ADAM22: variants seen among roughly 807,000 people sequenced by gnomAD.
ADAM22 encodes the protein ADAM metallopeptidase domain 22.
Under a neutral mutation model 144.6 loss-of-function variants are expected in ADAM22, and 65 were observed. The ratio of observed to expected loss-of-function variants is 0.45; its 90% CI spans 0.37 to 0.55. The LOEUF (loss-of-function observed/expected upper bound fraction) is 0.55. Ranked by LOEUF, ADAM22 falls within the 20% of genes least tolerant of loss-of-function variation. The pLI is 0.00. For synonymous variants in ADAM22, 391 were observed against 412.6 expected (o/e 0.95, Z 0.63); for missense variants, 974 against 1,184.9 (o/e 0.82, Z 2.61).
intron 30 of ADAM22, among the ~76,000 whole-genome samples, chr7:88,187,315 T>G (rs568529310): frequency 6.6e-6 from 1 of 152,370 alleles, no homozygotes; most frequent in South Asian, 2.1e-4. Flanking sequence ...AGAAGTGTTA[T>G]ACAGATTCTC....
chr7:88,108,745 G>T (rs541464890), intron 5 of ADAM22, among the ~76,000 whole-genome samples: 202 of 150,058 alleles, frequency 1.3e-3, no homozygotes, highest in African/African-American at 4.0e-3. Context: ...AATAAAGAAA[G>T]AAAGAAAGAA....
chr7:88,154,121 C>T (rs1839228360), intron 21 of ADAM22, among the ~76,000 whole-genome samples: 1 of 152,124 alleles, frequency 6.6e-6, no homozygotes. Flanking sequence ...GAGGAGGAAA[C>T]TGAGACACAG....
chr7:88,122,130 G>A (rs1372186925), intron 7 of ADAM22, among the ~76,000 whole-genome samples: 3 of 152,144 alleles, frequency 2.0e-5, no homozygotes, highest in African/African-American at 4.8e-5. Context: ...TGCAGTTGTC[G>A]TTGGCAGAAT....
In ADAM22 at chr7:87,993,556, A is replaced by G. The variant is rs564599892; in HGVS notation, c.323+15144A>G. Among the ~76,000 whole-genome samples, 46 of 152,316 alleles carry G rather than the reference A, an allele frequency of 3.0e-4. 1 individual carries two copies. In the South Asian group the frequency reaches 9.1e-3, roughly 30 times the overall value. ...CCTGAACTTATAGCTTCCTTCTGTC[A>G]GAAAGTCAGTATGCCTCAGGCCATT... On this transcript the variant is annotated intron_variant, in intron 3 of 31. Coordinates refer to ENST00000413139, the MANE Select transcript of ADAM22 (RefSeq NM_001324418.2).
chr7:88,153,520 C>T (rs761805786), intron 21 of ADAM22, among the ~76,000 whole-genome samples, 194 bp downstream of exon 21: 6 of 152,190 alleles, frequency 3.9e-5, no homozygotes, highest in Admixed American at 1.3e-4. Flanking sequence ...TCACCTCTCT[C>T]CTAAGGCCCA....
In ADAM22 at chr7:87,935,187, G is replaced by A; in HGVS notation, c.246+1G>A. ...GCGGGGCGACCTCGGTGGCCCGCAG[G>A]TGAGAGGCTCGGTCCGGGAGGTGGT... On this transcript the variant is annotated splice_donor_variant, in intron 2 of 31. Coordinates refer to ENST00000413139, the MANE Select transcript of ADAM22 (RefSeq NM_001324418.2). LOFTEE classifies it high-confidence loss of function. The A allele has an allele frequency of 6.3e-7, 1 of 1,598,610 alleles. No homozygotes were observed. The highest frequency in any genetic ancestry group is 8.5e-7 in the Non-Finnish European group (1 of 1,172,198).
At chr7:88,128,972 A>T (rs968057369) in intron 9 of ADAM22, among the ~76,000 whole-genome samples, 1 of 151,824 alleles carries the variant, frequency 6.6e-6, no homozygotes, top group African/African-American at 2.4e-5. Flanking sequence ...TAAAATGACA[A>T]GGTTTAAAAA....
At chr7:88,109,366 T>C (rs1359691679) in intron 5 of ADAM22, among the ~76,000 whole-genome samples, 1 of 152,238 alleles carries the variant, frequency 6.6e-6, no homozygotes, top group Non-Finnish European at 1.5e-5. Flanking sequence ...CAGGTGGTTG[T>C]TTCTTACTTG....
chr7:87,941,365 T>C (rs2131256917), intron 2 of ADAM22, among the ~76,000 whole-genome samples: 1 of 152,328 alleles, frequency 6.6e-6, no homozygotes, highest in South Asian at 2.1e-4. Flanking sequence ...ATGGATGAGC[T>C]GTACTTTACA....
At chr7:88,086,235 C>T (rs188889172) in intron 4 of ADAM22, among the ~76,000 whole-genome samples, 124 of 152,214 alleles carry the variant, frequency 8.1e-4, no homozygotes, top group African/African-American at 2.9e-3. Context: ...CCCCCCCTTG[C>T]AATTTATTTG....
At chr7:88,156,242 T>C (rs531147770) in intron 22 of ADAM22, among the ~76,000 whole-genome samples, 33 of 152,284 alleles carry the variant, frequency 2.2e-4, no homozygotes, top group South Asian at 1.2e-3. Context: ...TAAAGTCTTA[T>C]AGAGTTTGGT....
At chr7:88,005,257 G>A (rs1793530817) in intron 3 of ADAM22, among the ~76,000 whole-genome samples, 1 of 152,106 alleles carries the variant, frequency 6.6e-6, no homozygotes, top group Non-Finnish European at 1.5e-5. Flanking sequence ...TTTGGAACAG[G>A]TGCAACTCTT....
chr7:87,990,238 T>TA (rs2129451339), intron 3 of ADAM22, among the ~76,000 whole-genome samples: 2 of 152,162 alleles, frequency 1.3e-5, no homozygotes, highest in African/African-American at 4.8e-5. Flanking sequence ...ATAAAAGAGG[T>TA]ATGGCCAGTG....
At chr7:88,014,474 G>A (rs1217129300) in intron 3 of ADAM22, among the ~76,000 whole-genome samples, 1 of 152,134 alleles carries the variant, frequency 6.6e-6, no homozygotes, top group Non-Finnish European at 1.5e-5. Context: ...TGGGTGAAGT[G>A]GCTCATACCT....
intron 1 of ADAM22, chr7:87,934,751 C>T: frequency 1.5e-6 from 1 of 651,476 alleles, no homozygotes; most frequent in Non-Finnish European, 2.6e-6. Context: ...TGGAAGCCTT[C>T]GGTCAAAGCC....
intron 26 of ADAM22, among the ~76,000 whole-genome samples, chr7:88,173,697 T>C (rs1389214586): frequency 6.6e-6 from 1 of 152,066 alleles, no homozygotes; most frequent in Non-Finnish European, 1.5e-5. Context: ...TGATTTTAAA[T>C]GAGGTTTTTC....
At chr7:87,963,685 T>C (rs1848468147) in intron 2 of ADAM22, among the ~76,000 whole-genome samples, 1 of 152,186 alleles carries the variant, frequency 6.6e-6, no homozygotes, top group Non-Finnish European at 1.5e-5. Flanking sequence ...TCTGAGCCCC[T>C]GTATGCTCAG....
chr7:88,007,246 A>C (rs1794145727), intron 3 of ADAM22, among the ~76,000 whole-genome samples: 1 of 152,218 alleles, frequency 6.6e-6, no homozygotes, highest in Non-Finnish European at 1.5e-5. Context: ...ATGAAATAAA[A>C]GAGGATACAA....
At position 88,113,633 on chromosome 7, in the gene ADAM22, C is replaced by T. The variant is rs1243183313; in HGVS notation, c.474-951C>T. Reference sequence around the variant, plus strand: ...GATTATTTTCTTCCCTAGAACTTATCACTGTCATATGTATGTGTATGTGTG... The same window carrying T: ...GATTATTTTCTTCCCTAGAACTTATTACTGTCATATGTATGTGTATGTGTG... On this transcript the variant is annotated intron_variant, in intron 5 of 31. Transcript: ENST00000413139. Among the ~76,000 whole-genome samples the T allele has an allele frequency of 2.8e-4, 38 of 135,076 alleles. 1 individual carries two copies. The Admixed American group carries it at 3.0e-3, about 11-fold the overall frequency. 88.6% of individuals were successfully genotyped at this position (135,076 alleles called of 152,430 possible). A position where few individuals can be genotyped will look rare whatever the true frequency, so the allele number is the denominator to read the frequency against.
Sources: allele counts gnomAD v4.1 joint callset (sites outside exome capture counted in the v4.1 genomes callset), GRCh38; gene constraint gnomAD v4.1.1; transcripts MANE v1.5; gene names NCBI Gene and HGNC (gene_info 2026-07-23, HGNC 2026-07-21).